Variants in MVB12B observed in about 807,000 individuals in gnomAD.
MVB12B encodes ESCRT-I complex subunit MVB12B.
MVB12B carries 16 observed loss-of-function variants against 41.6 expected under a neutral mutation model. The observed-to-expected ratio is 0.38, with a 90% confidence interval of 0.26 to 0.58. The LOEUF is 0.58. Among genes scored for constraint, MVB12B ranks in the 20% least tolerant of loss-of-function variants. The probability of loss-of-function intolerance (pLI) is 0.62; values close to 1 mark genes in which losing one functional copy is unlikely to be tolerated. For synonymous variants in MVB12B, 133 were observed against 139.7 expected (o/e 0.95, Z 0.34); for missense variants, 274 against 380.2 (o/e 0.72, Z 2.32).
At chr9:126,440,094 G>A (rs1031596079) in intron 7 of MVB12B, among the ~76,000 whole-genome samples, 1 of 152,206 alleles carries the variant, frequency 6.6e-6, no homozygotes, top group Non-Finnish European at 1.5e-5. Flanking sequence ...GGTTTGGACA[G>A]ATGCCTGAGG....
chr9:126,397,505 G>A, intron 6 of MVB12B: 1 of 985,412 alleles, frequency 1.0e-6, no homozygotes, highest in Non-Finnish European at 1.2e-6. Flanking sequence ...TGTTTTACTT[G>A]CCAAATAAAA....
rs1454680320 is a variant in MVB12B at position 126,389,264 on chromosome 9, C to G, written c.409+2606C>G. Among the ~76,000 whole-genome samples the G allele has an allele frequency of 1.3e-5, 2 of 152,064 alleles. No homozygotes were observed. Among genetic ancestry groups the G allele is most frequent in the Non-Finnish European group, 2.9e-5 (2 of 68,008 alleles). ...TTCCTGGAGCTTTTCACCCAGGGAA[C>G]AGAGGAGCCCAAGCTGGCCACATAA... On this transcript the variant is annotated intron_variant, in intron 4 of 9. Coordinates refer to ENST00000361171, the MANE Select transcript of MVB12B (RefSeq NM_033446.3). The surrounding 1 kb of genome is among the most constrained non-coding windows in gnomAD (Gnocchi z 4.4).
chr9:126,352,938 A>G (rs1829792462), intron 2 of MVB12B, among the ~76,000 whole-genome samples: 2 of 152,252 alleles, frequency 1.3e-5, no homozygotes, highest in South Asian at 2.1e-4. Flanking sequence ...TACTCCTTAA[A>G]GTATGGAAGA....
At chr9:126,394,004 G>A (rs565214020) in intron 5 of MVB12B, among the ~76,000 whole-genome samples, 7 of 152,342 alleles carry the variant, frequency 4.6e-5, no homozygotes, top group African/African-American at 1.4e-4. Flanking sequence ...CAGGGAGCAG[G>A]TACCACAGAA....
chr9:126,503,081 C>T, intron 9 of MVB12B, 96 bp from the exon 10 acceptor site: 1 of 1,140,998 alleles, frequency 8.8e-7, no homozygotes, highest in Non-Finnish European at 1.3e-6. Flanking sequence ...ACGAGGCGGC[C>T]CAGGCCTCTG....
At chr9:126,424,227 C>CT (rs1392900349) in intron 7 of MVB12B, among the ~76,000 whole-genome samples, 1 of 152,238 alleles carries the variant, frequency 6.6e-6, no homozygotes, top group African/African-American at 2.4e-5. Context: ...AGTATATTAA[C>CT]TTTTAAATGT....
At chr9:126,413,851 T>TGTGCGC (rs397837020) in intron 6 of MVB12B, among the ~76,000 whole-genome samples, 2 of 143,398 alleles carry the variant, frequency 1.4e-5, no homozygotes, top group African/African-American at 5.0e-5. Flanking sequence ...TGTGTGTGTG[T>TGTGCGC]GTATAAGGGT....
At chr9:126,497,369 G>T (rs1253069773) in intron 9 of MVB12B, among the ~76,000 whole-genome samples, 1 of 152,114 alleles carries the variant, frequency 6.6e-6, no homozygotes, top group South Asian at 2.1e-4. Context: ...AAGGGTCTGC[G>T]GGAGCCCTCA....
rs535119835 is a variant in MVB12B at position 126,486,767 on chromosome 9, AAAGAC to A, written c.873+2739_873+2743del. On this transcript the variant is annotated intron_variant, in intron 9 of 9. Coordinates refer to ENST00000361171, the MANE Select transcript of MVB12B (RefSeq NM_033446.3). The surrounding 1 kb of genome is among the most constrained non-coding windows in gnomAD (Gnocchi z 4.7). Reference sequence around the variant, plus strand: ...ACTCCGAGAGGTGGAGTAACTGGCCAAAGACAAGGTGGAGACCCAGTGTGTCGTGC... The same window carrying A: ...ACTCCGAGAGGTGGAGTAACTGGCCAAAGGTGGAGACCCAGTGTGTCGTGC... Among the ~76,000 whole-genome samples, 605 of 152,294 alleles carry A rather than the reference AAAGAC, an allele frequency of 4.0e-3. 1 individual carries two copies. The highest frequency in any genetic ancestry group is 0.02 in the Middle Eastern group (6 of 294).
At position 126,340,146 on chromosome 9, in the gene MVB12B, C is replaced by T. The variant is rs1005941099; in HGVS notation, c.82-362C>T. ...GAGAGAGAGGAAAGGTGTTGTTAAG[C>T]TTAGCCGTGTCTGACATGTCTTCAG... is the stretch of plus-strand genomic sequence containing the variant. On this transcript the variant is annotated intron_variant, in intron 1 of 9. Coordinates refer to ENST00000361171, the MANE Select transcript of MVB12B (RefSeq NM_033446.3). This position sits in a 1 kb window ranked among gnomAD's most constrained non-coding sequence, Gnocchi z 4.0. Among the ~76,000 whole-genome samples, 2 of 152,142 alleles carry T rather than the reference C, an allele frequency of 1.3e-5. No individual in the cohort carries two copies. The highest frequency in any genetic ancestry group is 2.9e-5 in the Non-Finnish European group (2 of 68,038).
chr9:126,417,283 A>T (rs569557967), intron 6 of MVB12B, among the ~76,000 whole-genome samples: 49 of 152,348 alleles, frequency 3.2e-4, no homozygotes, highest in Admixed American at 3.1e-3. Context: ...CTGAGCAGTT[A>T]TTCTGCAGAA....
At chr9:126,461,076 G>A (rs2119175973) in intron 7 of MVB12B, among the ~76,000 whole-genome samples, 1 of 152,318 alleles carries the variant, frequency 6.6e-6, no homozygotes, top group Middle Eastern at 3.4e-3. Flanking sequence ...ACATCCAGGT[G>A]GGTGGCAGAG....
At chr9:126,439,076 G>A (rs934477984) in intron 7 of MVB12B, among the ~76,000 whole-genome samples, 3 of 152,072 alleles carry the variant, frequency 2.0e-5, no homozygotes, top group African/African-American at 4.8e-5. Flanking sequence ...AGCCCTGGGG[G>A]AATCGGACTT....
rs1446001888 is a variant in MVB12B at position 126,486,940 on chromosome 9, C to T, written c.873+2908C>T. 1.3e-5 allele frequency among the ~76,000 whole-genome samples: 2 copies of T among 152,104 alleles called. No homozygotes were observed. Among genetic ancestry groups the T allele is most frequent in the African/African-American group, 4.8e-5 (2 of 41,418 alleles). ...GGTGGGGTGAAGTGGGTGACGGTCC[C>T]AGTGTGGGGTCCAGGGCGGGTGGTG... On this transcript the variant is annotated intron_variant, in intron 9 of 9. Coordinates refer to ENST00000361171, the MANE Select transcript of MVB12B (RefSeq NM_033446.3). This position sits in a 1 kb window ranked among gnomAD's most constrained non-coding sequence, Gnocchi z 4.7.
chr9:126,385,281 G>A lies in MVB12B; in HGVS notation c.313-1281G>A, dbSNP rs114738812. 9.0e-3 allele frequency among the ~76,000 whole-genome samples: 1,369 copies of A among 152,270 alleles called. 14 individuals carry two copies. The highest frequency in any genetic ancestry group is 0.031 in the African/African-American group (1,291 of 41,522). On this transcript the variant is annotated intron_variant, in intron 3 of 9. Transcript: ENST00000361171. ...TATAGTAGGAACAGAGATAGTTTTG[G>A]TCTTCATGGTTCTTAAACTCTAGAA...
At chr9:126,470,181 T>C (rs113635786) in intron 7 of MVB12B, among the ~76,000 whole-genome samples, 197 of 152,274 alleles carry the variant, frequency 1.3e-3, no homozygotes, top group African/African-American at 4.5e-3. Flanking sequence ...CCATATTAAA[T>C]TACATAACCC....
chr9:126,461,435 G>C (rs1833087222), intron 7 of MVB12B, among the ~76,000 whole-genome samples: 1 of 152,184 alleles, frequency 6.6e-6, no homozygotes, highest in African/African-American at 2.4e-5. Flanking sequence ...GAGCCATGTA[G>C]AAAAATTATT....
chr9:126,351,622 GC>G (rs1829751765), intron 2 of MVB12B, among the ~76,000 whole-genome samples: 1 of 151,400 alleles, frequency 6.6e-6, no homozygotes, highest in Non-Finnish European at 1.5e-5. Context: ...CAAAGTAGCT[GC>G]GATTAACAGG....
At chr9:126,416,017 G>A (rs956240610) in intron 6 of MVB12B, among the ~76,000 whole-genome samples, 3 of 152,212 alleles carry the variant, frequency 2.0e-5, no homozygotes, top group Non-Finnish European at 2.9e-5. Context: ...GTTGGCAGAC[G>A]TGAATGCAGG....
Sources: allele counts gnomAD v4.1 joint callset (sites outside exome capture counted in the v4.1 genomes callset), GRCh38; gene constraint gnomAD v4.1.1; non-coding constraint Gnocchi (gnomAD v3.1); transcripts MANE v1.5; gene names NCBI Gene and HGNC (gene_info 2026-07-23, HGNC 2026-07-21).